MTREX: variants seen among roughly 807,000 people sequenced by gnomAD.
MTREX encodes exosome RNA helicase MTR4.
In MTREX, 76 loss-of-function variants were observed where a neutral mutation model predicts 135.4. The ratio of observed to expected loss-of-function variants is 0.56; its 90% CI spans 0.47 to 0.68. MTREX has a LOEUF of 0.68. MTREX is among the 30% of genes least tolerant of loss of function. MTREX has a pLI of 0.00. For missense variants in MTREX, 920 were observed against 1,262.1 expected (o/e 0.73, Z 4.11); for synonymous variants, 404 against 401.6 (o/e 1.01, Z -0.07).
At chr5:55,393,362 A>T (rs764392920) in intron 19 of MTREX, among the ~76,000 whole-genome samples, 5 of 152,230 alleles carry the variant, frequency 3.3e-5, no homozygotes, top group Non-Finnish European at 5.9e-5. Flanking sequence ...CACTGACACA[A>T]ATCCAGTTTT....
chr5:55,395,093 CAG>C (rs1005070191), intron 19 of MTREX, among the ~76,000 whole-genome samples: 6 of 150,352 alleles, frequency 4.0e-5, no homozygotes, highest in Admixed American at 1.3e-4. Flanking sequence ...TCCATGCATC[CAG>C]AGAGAGATAT....
At chr5:55,371,882 A>G (rs994880328) in intron 16 of MTREX, among the ~76,000 whole-genome samples, 1 of 152,168 alleles carries the variant, frequency 6.6e-6, no homozygotes, top group African/African-American at 2.4e-5. Flanking sequence ...GACTCTAACT[A>G]CAAAATAAAT....
At chr5:55,335,828 CTTAAAAA>C (rs928785974) in intron 5 of MTREX, among the ~76,000 whole-genome samples, 2 of 152,120 alleles carry the variant, frequency 1.3e-5, no homozygotes, top group Admixed American at 1.3e-4. Context: ...TTTTGTTGAA[CTTAAAAA>C]TTAATTTGGA....
intron 18 of MTREX, among the ~76,000 whole-genome samples, chr5:55,384,081 T>C (rs1003777764): frequency 1.2e-4 from 19 of 152,334 alleles, no homozygotes; most frequent in African/African-American, 4.6e-4. Flanking sequence ...CATTATTTCT[T>C]TGAATATTTT....
At chr5:55,311,515 C>T (rs2112016414) in intron 1 of MTREX, among the ~76,000 whole-genome samples, 1 of 152,174 alleles carries the variant, frequency 6.6e-6, no homozygotes, top group East Asian at 1.9e-4. Context: ...ACCAGGTCAT[C>T]TATTCTGTGG....
At chr5:55,392,541 T>TAA (rs34486683) in intron 19 of MTREX, among the ~76,000 whole-genome samples, 2 of 114,528 alleles carry the variant, frequency 1.7e-5, no homozygotes, top group African/African-American at 6.7e-5. Flanking sequence ...GGGCTCTGTC[T>TAA]AAAAAAAAAA....
chr5:55,335,034 C>T (rs979178186), intron 5 of MTREX, among the ~76,000 whole-genome samples: 3 of 151,940 alleles, frequency 2.0e-5, no homozygotes, highest in Non-Finnish European at 1.5e-5. Flanking sequence ...TTATTATACC[C>T]ATTTCAGTGA....
At chr5:55,408,939 T>G (rs1323330371) in intron 22 of MTREX, among the ~76,000 whole-genome samples, 2 of 149,332 alleles carry the variant, frequency 1.3e-5, no homozygotes. Flanking sequence ...ATTTATTTAT[T>G]TATTTATTTA....
intron 26 of MTREX, chr5:55,423,351 C>A (rs1237057305): frequency 2.2e-5 from 4 of 184,900 alleles, no homozygotes; most frequent in Admixed American, 6.0e-5. Context: ...AAAAACAAAG[C>A]AGAAAAGACA....
chr5:55,366,577 A>T, intron 15 of MTREX, 148 bp from the exon 16 acceptor site: 1 of 545,258 alleles, frequency 1.8e-6, no homozygotes, highest in Non-Finnish European at 2.9e-6. Context: ...CTGTGGTTTT[A>T]TTTTATATTG....
chr5:55,405,801 T>C (rs1750795985), intron 22 of MTREX, among the ~76,000 whole-genome samples: 1 of 152,138 alleles, frequency 6.6e-6, no homozygotes, highest in South Asian at 2.1e-4. Flanking sequence ...AAATATAAAG[T>C]TTGTACAATA....
chr5:55,355,046 A>G (rs537632840), intron 14 of MTREX, among the ~76,000 whole-genome samples: 44 of 152,308 alleles, frequency 2.9e-4, no homozygotes, highest in Non-Finnish European at 5.1e-4. Context: ...GTTCAGAGAC[A>G]TTTCACACAA....
At chr5:55,348,300 C>G (rs1749772043) in intron 11 of MTREX, among the ~76,000 whole-genome samples, 1 of 152,052 alleles carries the variant, frequency 6.6e-6, no homozygotes, top group African/African-American at 2.4e-5. Flanking sequence ...ATAACTAACC[C>G]ACTCCTCTGA....
chr5:55,408,786 C>G (rs1020431618), intron 22 of MTREX, among the ~76,000 whole-genome samples: 6 of 152,058 alleles, frequency 3.9e-5, no homozygotes, highest in Admixed American at 3.3e-4. Context: ...AGTTATTACT[C>G]AAATCAGAAG....
intron 23 of MTREX, among the ~76,000 whole-genome samples, chr5:55,413,543 G>T (rs1185167793): frequency 6.6e-6 from 1 of 152,100 alleles, no homozygotes; most frequent in Non-Finnish European, 1.5e-5. Flanking sequence ...CCAGTACACA[G>T]AATTTAAGCA....
intron 25 of MTREX, among the ~76,000 whole-genome samples, chr5:55,421,659 T>C (rs1432486313): frequency 6.6e-6 from 1 of 152,222 alleles, no homozygotes; most frequent in African/African-American, 2.4e-5. Flanking sequence ...ATTGTGTTTC[T>C]TGGTACACAT....
intron 15 of MTREX, among the ~76,000 whole-genome samples, chr5:55,361,611 C>A (rs183624073): frequency 0.078 from 11,784 of 152,024 alleles, 655 homozygotes; most frequent in East Asian, 0.26. Context: ...CCTGCCGCCA[C>A]ACCCAGCTAA....
chr5:55,329,738 A>G (rs1211258887), intron 5 of MTREX, among the ~76,000 whole-genome samples: 1 of 152,178 alleles, frequency 6.6e-6, no homozygotes, highest in East Asian at 1.9e-4. Flanking sequence ...AAGAAATCCT[A>G]GTATACCTTT....
chr5:55,368,615 G>T (rs1750142963), intron 16 of MTREX, among the ~76,000 whole-genome samples: 1 of 152,056 alleles, frequency 6.6e-6, no homozygotes, highest in Admixed American at 6.5e-5. Context: ...TATTTTAGAT[G>T]GGGTCTTGCT....
Sources: gnomAD v4.1 joint callset for allele counts (sites outside exome capture counted in the v4.1 genomes callset) on GRCh38, gnomAD v4.1.1 for gene constraint, MANE v1.5 for transcripts, NCBI Gene and HGNC (gene_info 2026-07-23, HGNC 2026-07-21) for gene names.